LRRC17: variants seen among roughly 807,000 people sequenced by gnomAD.
LRRC17 encodes leucine rich repeat containing 17.
A neutral mutation model predicts 41.5 loss-of-function variants in LRRC17; 33 were observed. That is an observed-to-expected ratio of 0.80 (90% CI 0.60 to 1.06). LRRC17 has a LOEUF of 1.06. LRRC17 is among the 50% of genes least tolerant of loss of function. The pLI, the probability that LRRC17 is intolerant of heterozygous loss-of-function variation, is 0.00. For synonymous variants in LRRC17, 192 were observed against 197.0 expected (o/e 0.97, Z 0.21); for missense variants, 491 against 519.3 (o/e 0.95, Z 0.53).
chr7:102,919,750 C>T (rs1816628703), intron 1 of LRRC17, among the ~76,000 whole-genome samples: 1 of 152,146 alleles, frequency 6.6e-6, no homozygotes, highest in African/African-American at 2.4e-5. Flanking sequence ...TCTGTTTATC[C>T]TCCAAGATAA....
chr7:102,940,464 C>T (rs186839692), intron 3 of LRRC17, among the ~76,000 whole-genome samples: 1 of 152,148 alleles, frequency 6.6e-6, no homozygotes, highest in Admixed American at 6.5e-5. Flanking sequence ...CCCACCTCAG[C>T]CTCCCAAAGT....
At chr7:102,937,777 T>C (rs1034268687) in intron 2 of LRRC17, among the ~76,000 whole-genome samples, 1 of 152,152 alleles carries the variant, frequency 6.6e-6, no homozygotes, top group South Asian at 2.1e-4. Flanking sequence ...TAAGCAACCA[T>C]TGAAAGTGAA....
Position 102,944,786 on chromosome 7 carries a change from C to T in LRRC17, c.*179C>T, listed in dbSNP as rs1485647189. The T allele has an allele frequency of 5.4e-6, 3 of 560,074 alleles. No individual in the cohort carries two copies. Among genetic ancestry groups the T allele is most frequent in the Non-Finnish European group, 8.9e-6 (3 of 335,404 alleles). 34.7% of individuals were successfully genotyped at this position (560,074 alleles called of 1,614,324 possible). ...TAGTAATCAAGAGAATGCTATCATC[C>T]TGCTTGCCTGTCCATTTGTGGAACA... On this transcript the variant is annotated 3_prime_UTR_variant, in exon 4 of 4. Transcript: ENST00000339431.
chr7:102,940,136 C>A (rs141402916), intron 3 of LRRC17, among the ~76,000 whole-genome samples: 1 of 151,832 alleles, frequency 6.6e-6, no homozygotes, highest in African/African-American at 2.4e-5. Context: ...TCAGGTGATC[C>A]GCCCACCTTG....
At chr7:102,915,513 T>A (rs1349634905) in intron 1 of LRRC17, among the ~76,000 whole-genome samples, 1 of 152,156 alleles carries the variant, frequency 6.6e-6, no homozygotes, top group Non-Finnish European at 1.5e-5. Context: ...ACACCTAGTA[T>A]TCAATTTCTT....
At chr7:102,913,755 T>C (rs1449201960) in intron 1 of LRRC17, among the ~76,000 whole-genome samples, 2 of 152,218 alleles carry the variant, frequency 1.3e-5, no homozygotes, top group Non-Finnish European at 2.9e-5. Context: ...AAAAAATAGG[T>C]TTAAATATGC....
intron 1 of LRRC17, among the ~76,000 whole-genome samples, chr7:102,926,023 G>A (rs1818059234): frequency 6.6e-6 from 1 of 151,224 alleles, no homozygotes; most frequent in Non-Finnish European, 1.5e-5. Flanking sequence ...TGGGGGACCA[G>A]AAAGAAGCAG....
intron 1 of LRRC17, among the ~76,000 whole-genome samples, chr7:102,932,640 G>A (rs959717146): frequency 6.6e-6 from 1 of 152,202 alleles, no homozygotes. Context: ...TGTCAGCCAC[G>A]CTAGAGTGCA....
chr7:102,922,887 A>C (rs1032944925), intron 1 of LRRC17, among the ~76,000 whole-genome samples: 13 of 152,156 alleles, frequency 8.5e-5, no homozygotes, highest in Non-Finnish European at 1.8e-4. Context: ...CTGAGGCAGG[A>C]GAATGGCATG....
At chr7:102,913,322 G>T in intron 1 of LRRC17, 177 bp downstream of exon 1, 1 of 1,377,680 alleles carries the variant, frequency 7.3e-7, no homozygotes, top group Non-Finnish European at 1.0e-6. Flanking sequence ...TCTTCTTCTT[G>T]CAGATGTTCA....
rs779867930 is a variant in LRRC17, at chr7:102,934,078, C to T, written c.165C>T (p.Asp55=). 17 of 1,614,038 alleles carry T rather than the reference C, an allele frequency of 1.1e-5. No individual in the cohort carries two copies. Among genetic ancestry groups the T allele is most frequent in the Admixed American group, 6.7e-5 (4 of 60,008 alleles). ...GCTACGCACCAGGCCTCCCGTGTGA[C>T]GTGTACACATATCTCCATGAGAAAT... ...VKRYAPGLPC[D]VYTYLHEKYL... Residue 55 remains aspartate, a synonymous_variant, in exon 2 of 4, where the codon GAC becomes GAT. Transcript: ENST00000339431.
chr7:102,942,622 T>C (rs996907927), intron 3 of LRRC17, among the ~76,000 whole-genome samples: 1 of 152,184 alleles, frequency 6.6e-6, no homozygotes, highest in Non-Finnish European at 1.5e-5. Flanking sequence ...GTGAGATCAC[T>C]GACTCACAGA....
Position 102,944,704 on chromosome 7 carries a change from C to A in LRRC17, c.*97C>A. ...TGATTAACTGTGTTGCCTATTTATG[C>A]AGGGTAATCCAGCTAAAGGAAGCTT... On this transcript the variant is annotated 3_prime_UTR_variant, in exon 4 of 4. Coordinates refer to ENST00000339431, the MANE Select transcript of LRRC17 (RefSeq NM_001031692.3). The A allele has an allele frequency of 9.4e-7, 1 of 1,062,784 alleles. No homozygotes were observed. The highest frequency in any genetic ancestry group is 1.3e-6 in the Non-Finnish European group (1 of 751,594). The allele number at this position is 1,062,784 out of a possible 1,614,324, so 65.8% of individuals were successfully genotyped here. A position where few individuals can be genotyped will look rare whatever the true frequency, so the allele number is the denominator to read the frequency against.
chr7:102,936,094 T>C (rs1820258185), intron 2 of LRRC17: 1 of 129,630 alleles, frequency 7.7e-6, no homozygotes, highest in African/African-American at 2.9e-5. Flanking sequence ...GCAGCAGCCA[T>C]GTGGCACAGG....
chr7:102,931,431 A>G (rs919322376), intron 1 of LRRC17, among the ~76,000 whole-genome samples: 2 of 152,202 alleles, frequency 1.3e-5, no homozygotes, highest in Non-Finnish European at 2.9e-5. Flanking sequence ...CAAAGAGTAT[A>G]AAGTGCTCAC....
rs753292751 is a variant in LRRC17, at chr7:102,934,674, G to T, written c.761G>T (p.Cys254Phe). 1 of 1,585,150 alleles carries T rather than the reference G, an allele frequency of 6.3e-7. No homozygotes were observed. The highest frequency in any genetic ancestry group is 8.5e-7 in the Non-Finnish European group (1 of 1,171,596). ...GTGTTTCCCATACAAACACTGGACT[G>T]CAAAAGGAAAGGTTTGTACTTTTCT... The part of the protein sequence containing the change: ...NYVFPIQTLD[C>F]KRKELKKVPN... Residue 254 changes from cysteine to phenylalanine, a missense_variant, in exon 2 of 4, where the codon TGC (cysteine) becomes TTC (phenylalanine). Cys to Phe is a radical substitution (Grantham distance 205). Coordinates refer to ENST00000339431, the MANE Select transcript of LRRC17 (RefSeq NM_001031692.3).
chr7:102,925,590 G>A (rs998622613), intron 1 of LRRC17, among the ~76,000 whole-genome samples: 2 of 152,114 alleles, frequency 1.3e-5, no homozygotes, highest in Non-Finnish European at 2.9e-5. Context: ...CAGAGCATGG[G>A]AACAGGGATC....
Position 102,938,076 on chromosome 7 carries a change from T to G in LRRC17, c.773-1354T>G, listed in dbSNP as rs566268809. On this transcript the variant is annotated intron_variant, in intron 2 of 3. Coordinates refer to ENST00000339431, the MANE Select transcript of LRRC17 (RefSeq NM_001031692.3). The stretch of plus-strand genomic sequence containing the variant: ...CTTTATTCACTGAGAAACAGGTACT[T>G]TGCCAAGAAATCCTAGTGTTTCAAA... Among the ~76,000 whole-genome samples, 8 of 152,342 alleles carry G rather than the reference T, an allele frequency of 5.3e-5. No homozygotes were observed. The East Asian group carries it at 1.5e-3, about 29-fold the overall frequency.
Position 102,913,118 on chromosome 7 carries a change from G to C in LRRC17, c.-168G>C. On this transcript the variant is annotated 5_prime_UTR_variant, in exon 1 of 4. Transcript: ENST00000339431. The stretch of plus-strand genomic sequence containing the variant: ...CAGCCAGAGAGGTCCAGATAGATGA[G>C]CTTGTGGCATCCATTCCCCAAGTTC... 1.2e-6 allele frequency: 2 copies of C among 1,614,166 alleles called. No homozygotes were observed. The highest frequency in any genetic ancestry group is 1.7e-6 in the Non-Finnish European group (2 of 1,180,022).
Sources: allele counts gnomAD v4.1 joint callset (sites outside exome capture counted in the v4.1 genomes callset), GRCh38; gene constraint gnomAD v4.1.1; transcripts MANE v1.5; gene names NCBI Gene and HGNC (gene_info 2026-07-23, HGNC 2026-07-21).